Variants in OTUD7A observed in about 807,000 individuals in gnomAD.
The protein encoded by OTUD7A is OTU deubiquitinase 7A.
In OTUD7A, 12 loss-of-function variants were observed where a neutral mutation model predicts 65.7. That is an observed-to-expected ratio of 0.18 (90% CI 0.12 to 0.30). OTUD7A has a LOEUF of 0.30. Ranked by LOEUF, OTUD7A falls within the 10% of genes least tolerant of loss-of-function variation. The pLI is 1.00. For missense variants in OTUD7A, 1,148 were observed against 1,304.8 expected (o/e 0.88, Z 1.85); for synonymous variants, 641 against 586.3 (o/e 1.09, Z -1.35).
chr15:31,817,990 T>A (rs1896592403), intron 1 of OTUD7A, among the ~76,000 whole-genome samples: 1 of 152,322 alleles, frequency 6.6e-6, no homozygotes, highest in Admixed American at 6.5e-5. Flanking sequence ...GTCAGAGAGC[T>A]GCTCCCTCTT....
chr15:31,802,046 ATTAG>A (rs1336039049), intron 1 of OTUD7A, among the ~76,000 whole-genome samples: 2 of 151,656 alleles, frequency 1.3e-5, no homozygotes, highest in African/African-American at 2.4e-5. Flanking sequence ...AATAAGGTGT[ATTAG>A]TTAGGGTTCT....
chr15:31,631,669 T>C (rs1306233976), intron 3 of OTUD7A, among the ~76,000 whole-genome samples: 1 of 152,206 alleles, frequency 6.6e-6, no homozygotes, highest in Non-Finnish European at 1.5e-5. Context: ...TCCTGGAAAA[T>C]ATCCTGCAGA....
chr15:31,793,209 C>A (rs544369184), intron 1 of OTUD7A, among the ~76,000 whole-genome samples: 2 of 152,188 alleles, frequency 1.3e-5, no homozygotes, highest in South Asian at 4.1e-4. Flanking sequence ...CCTGCCCCTG[C>A]CTGCATCAGC....
intron 1 of OTUD7A, among the ~76,000 whole-genome samples, chr15:31,866,991 G>A (rs965996477): frequency 7.2e-5 from 11 of 152,058 alleles, no homozygotes; most frequent in African/African-American, 2.7e-4. Flanking sequence ...GTTCCCTTTC[G>A]CATGGGGCCT....
intron 1 of OTUD7A, among the ~76,000 whole-genome samples, chr15:31,665,474 G>C (rs1488555500): frequency 2.0e-5 from 3 of 152,148 alleles, no homozygotes; most frequent in Non-Finnish European, 4.4e-5. Context: ...GTCTCTCCTG[G>C]TGTATAGAAG....
chr15:31,792,680 T>C (rs1895849527), intron 1 of OTUD7A, among the ~76,000 whole-genome samples: 1 of 152,158 alleles, frequency 6.6e-6, no homozygotes, highest in East Asian at 1.9e-4. Flanking sequence ...CTCTGCACAA[T>C]AGTGACCACC....
intron 3 of OTUD7A, among the ~76,000 whole-genome samples, chr15:31,632,372 T>G (rs2141251140): frequency 6.6e-6 from 1 of 152,366 alleles, no homozygotes; most frequent in South Asian, 2.1e-4. Context: ...TCTGTTTGCC[T>G]CAGTATCAGC....
At chr15:31,618,467 C>T (rs1319667388) in intron 3 of OTUD7A, among the ~76,000 whole-genome samples, 1 of 152,114 alleles carries the variant, frequency 6.6e-6, no homozygotes, top group Non-Finnish European at 1.5e-5. Context: ...TAATGATTGC[C>T]ATTCTAACTG....
At chr15:31,711,661 C>A (rs1448056564) in intron 1 of OTUD7A, among the ~76,000 whole-genome samples, 2 of 145,838 alleles carry the variant, frequency 1.4e-5, no homozygotes, top group Admixed American at 1.4e-4. Flanking sequence ...AGATACTTTG[C>A]AAAACTGCAC....
intron 1 of OTUD7A, among the ~76,000 whole-genome samples, chr15:31,712,034 C>T (rs1201311028): frequency 6.6e-6 from 1 of 151,472 alleles, no homozygotes; most frequent in South Asian, 2.1e-4. Context: ...TGGGAGGCTT[C>T]CCCTCACACA....
chr15:31,603,059 C>T lies in OTUD7A; in HGVS notation c.152-32862G>A, dbSNP rs376143744. Among the ~76,000 whole-genome samples the T allele has an allele frequency of 3.3e-5, 5 of 152,304 alleles. No individual in the cohort carries two copies. The East Asian group carries it at 9.6e-4, about 29-fold the overall frequency. ...TTCAATGCTATCCCTATCAAGCTACCACTGACTTTCTTCACAGAATTGGAA... is the reference window on the plus strand; with the variant it reads ...TTCAATGCTATCCCTATCAAGCTACTACTGACTTTCTTCACAGAATTGGAA... On this transcript the variant is annotated intron_variant, in intron 3 of 12. Coordinates refer to ENST00000307050, the MANE Select transcript of OTUD7A (RefSeq NM_001382637.1).
intron 1 of OTUD7A, among the ~76,000 whole-genome samples, chr15:31,832,761 T>C (rs192649865): frequency 1.3e-5 from 2 of 152,360 alleles, no homozygotes; most frequent in Non-Finnish European, 1.5e-5. Flanking sequence ...ATGCATGTTG[T>C]AGCATATGTC....
intron 1 of OTUD7A, among the ~76,000 whole-genome samples, chr15:31,680,436 C>G (rs1892685950): frequency 6.6e-6 from 1 of 152,138 alleles, no homozygotes; most frequent in Non-Finnish European, 1.5e-5. Flanking sequence ...AGTACCTGGA[C>G]TACATTACAG....
chr15:31,498,706 G>T lies in OTUD7A; in HGVS notation c.1171+2984C>A, dbSNP rs2041421789. Among the ~76,000 whole-genome samples, 1 of 152,202 alleles carries T rather than the reference G, an allele frequency of 6.6e-6. No homozygotes were observed. The highest frequency in any genetic ancestry group is 1.5e-5 in the Non-Finnish European group (1 of 68,022). ...TCCTGCAAAAAGCTGAAGGCCCAAG[G>T]CTCAGGTTGTCAGGGAGCAAATGAC... On this transcript the variant is annotated intron_variant, in intron 10 of 12. Coordinates refer to ENST00000307050, the MANE Select transcript of OTUD7A (RefSeq NM_001382637.1). This position sits in a 1 kb window ranked among gnomAD's most constrained non-coding sequence, Gnocchi z 4.2.
chr15:31,610,456 C>T (rs1890367877), intron 3 of OTUD7A, among the ~76,000 whole-genome samples: 1 of 151,534 alleles, frequency 6.6e-6, no homozygotes, highest in African/African-American at 2.4e-5. Flanking sequence ...AACAAATGGA[C>T]TTAACAGATA....
intron 1 of OTUD7A, among the ~76,000 whole-genome samples, chr15:31,699,143 G>A (rs1893151524): frequency 6.7e-6 from 1 of 149,406 alleles, no homozygotes; most frequent in Non-Finnish European, 1.5e-5. Flanking sequence ...GCAGTGGTGC[G>A]ATCTCAGCTC....
intron 7 of OTUD7A, 127 bp from the exon 8 acceptor site, chr15:31,526,588 C>G (rs2042018061): frequency 1.5e-6 from 1 of 652,016 alleles, no homozygotes; most frequent in Non-Finnish European, 2.5e-6. Context: ...TAGCTACCAA[C>G]TATACCAACT....
intron 1 of OTUD7A, among the ~76,000 whole-genome samples, chr15:31,760,382 T>C (rs575132054): frequency 1.3e-5 from 2 of 152,228 alleles, no homozygotes; most frequent in African/African-American, 4.8e-5. Flanking sequence ...CTACCAATCC[T>C]TTTTATGCTG....
At chr15:31,852,421 G>T (rs1330886434) in intron 1 of OTUD7A, among the ~76,000 whole-genome samples, 3 of 152,198 alleles carry the variant, frequency 2.0e-5, no homozygotes, top group Non-Finnish European at 4.4e-5. Flanking sequence ...AAAACTAAGG[G>T]TTGTTAACAT....
Sources: gnomAD v4.1 joint callset for allele counts (sites outside exome capture counted in the v4.1 genomes callset) on GRCh38, gnomAD v4.1.1 for gene constraint, Gnocchi (gnomAD v3.1) non-coding constraint, MANE v1.5 for transcripts, NCBI Gene and HGNC (gene_info 2026-07-23, HGNC 2026-07-21) for gene names.